The following ACAD10 variants were observed in gnomAD, a reference collection of about 807,000 sequenced individuals.
ACAD10 encodes ACAD-10.
ACAD10 carries 112 observed loss-of-function variants against 116.8 expected under a neutral mutation model. The observed-to-expected ratio is 0.96, with a 90% confidence interval of 0.82 to 1.12. The LOEUF is 1.12. ACAD10 is among the 50% of genes most tolerant of loss of function. The pLI is 0.00. For synonymous variants in ACAD10, 486 were observed against 510.6 expected, an observed-to-expected ratio of 0.95 and a Z score of 0.65; for missense variants, 1,259 against 1,350.2, an observed-to-expected ratio of 0.93 and a Z score of 1.06.
intron 11 of ACAD10, 58 bp from the exon 12 acceptor site, chr12:111,736,773 A>G: frequency 6.5e-7 from 1 of 1,533,170 alleles, no homozygotes; most frequent in Non-Finnish European, 8.8e-7. Flanking sequence ...AATATTTGCC[A>G]GCCACAGGGG....
At chr12:111,691,479 G>A (rs544749600) in intron 1 of ACAD10, among the ~76,000 whole-genome samples, 1 of 152,212 alleles carries the variant, frequency 6.6e-6, no homozygotes, top group Non-Finnish European at 1.5e-5. Context: ...GCAACAGGTG[G>A]AACAGAGCAT....
intron 12 of ACAD10, 114 bp downstream of exon 12, chr12:111,737,118 A>G: frequency 1.1e-6 from 1 of 915,904 alleles, no homozygotes; most frequent in Non-Finnish European, 1.6e-6. Flanking sequence ...CGATTTGGCC[A>G]GGATTCTCTG....
At chr12:111,706,371 G>A (rs1297457324) in intron 4 of ACAD10, among the ~76,000 whole-genome samples, 1 of 152,166 alleles carries the variant, frequency 6.6e-6, no homozygotes, top group African/African-American at 2.4e-5. Flanking sequence ...TGCTCCATGT[G>A]TGTATCCCAA....
Position 111,745,001 on chromosome 12 carries a change from A to G in ACAD10, c.2073A>G (p.Ser691=). 1 of 1,614,034 alleles carries G rather than the reference A, an allele frequency of 6.2e-7. No individual in the cohort carries two copies. Among genetic ancestry groups the G allele is most frequent in the South Asian group, 1.1e-5 (1 of 91,082 alleles). The change falls in exon 13 of 21, where the codon TCA becomes TCG. Residue 691 remains serine (S), a synonymous_variant. Transcript: ENST00000313698. ...CAGAGCTGCAGAGTCACCAGGCCTC[A>G]GCAGCCAGGTGGAGCCCCTCCCCAC... ...AEPELQSHQA[S]AARWSPSPLI... is the part of the protein sequence containing the mutation.
chr12:111,709,962 G>A (rs1255260515), intron 5 of ACAD10: 4 of 402,346 alleles, frequency 9.9e-6, no homozygotes, highest in African/African-American at 8.4e-5. Context: ...TGTTCACACT[G>A]TCCTCATGAT....
In ACAD10 at chr12:111,731,848, G is replaced by A. The variant is rs668774; in HGVS notation, c.1394+1892G>A. The stretch of plus-strand genomic sequence containing the variant: ...GTGTAATCCCAGCACTTTGGGAGGC[G>A]AAAGCGGGCAGATCACTTGAGGTCA... On this transcript the variant is annotated intron_variant, in intron 10 of 20. Transcript: ENST00000313698. 5.3e-5 allele frequency among the ~76,000 whole-genome samples: 8 copies of A among 152,092 alleles called. 1 individual carries two copies. In the South Asian group the frequency reaches 1.5e-3, roughly 28 times the overall value.
intron 4 of ACAD10, among the ~76,000 whole-genome samples, chr12:111,707,116 G>GTC (rs1431119099): frequency 6.9e-6 from 1 of 144,806 alleles, no homozygotes; most frequent in Admixed American, 7.1e-5. Context: ...TTGAGAGAAG[G>GTC]TCTCTCTCTG....
chr12:111,741,819 T>C (rs1207313609), intron 12 of ACAD10, among the ~76,000 whole-genome samples: 2 of 152,250 alleles, frequency 1.3e-5, no homozygotes, highest in Non-Finnish European at 2.9e-5. Flanking sequence ...AGCTGAGATA[T>C]TTGGTACTGG....
chr12:111,756,854 G>T lies in ACAD10; in HGVS notation c.*381G>T, dbSNP rs558760336. 4 of 463,678 alleles carry T rather than the reference G, an allele frequency of 8.6e-6. No homozygotes were observed. Among genetic ancestry groups the T allele is most frequent in the Non-Finnish European group, 1.7e-5 (4 of 232,220 alleles). The allele number at this position is 463,678 out of a possible 1,614,324, so 28.7% of individuals were successfully genotyped here. A position where few individuals can be genotyped will look rare whatever the true frequency, so the allele number is the denominator to read the frequency against. The stretch of plus-strand genomic sequence containing the variant: ...GGGAGGCCTCCCAAGGCTGTGGGAC[G>T]TGCTTGCTCTGGCAGCTGCAGGGTT... On this transcript the variant is annotated 3_prime_UTR_variant, in exon 21 of 21. Coordinates refer to ENST00000313698, the MANE Select transcript of ACAD10 (RefSeq NM_025247.6).
chr12:111,702,291 GGA>G lies in ACAD10; in HGVS notation c.320_321del (p.Arg107ThrfsTer4). The G allele has an allele frequency of 6.2e-7, 1 of 1,614,064 alleles. No homozygotes were observed. The highest frequency in any genetic ancestry group is 8.5e-7 in the Non-Finnish European group (1 of 1,180,004). On this transcript the variant is annotated frameshift_variant, in exon 3 of 21. Transcript: ENST00000313698. LOFTEE classifies it high-confidence loss of function. Reference sequence around the variant, plus strand: ...GCAGAGGGTTTTTTACGAGAATTTGGGAGACTTTGCTCTGAAATGGTGAGTGG... The same window carrying G: ...GCAGAGGGTTTTTTACGAGAATTTGGGACTTTGCTCTGAAATGGTGAGTGG...
chr12:111,738,210 G>C (rs1043949749), intron 12 of ACAD10, among the ~76,000 whole-genome samples: 1 of 151,988 alleles, frequency 6.6e-6, no homozygotes, highest in Non-Finnish European at 1.5e-5. Context: ...TTCCTTGCTC[G>C]CTAGTATGAC....
At chr12:111,728,194 C>T in intron 9 of ACAD10, 51 bp downstream of exon 9, 2 of 1,526,114 alleles carry the variant, frequency 1.3e-6, no homozygotes, top group African/African-American at 1.4e-5. Flanking sequence ...ACTAGTGCTT[C>T]TGCTTTTAGG....
chr12:111,756,674 C>A lies in ACAD10; in HGVS notation c.*201C>A. On this transcript the variant is annotated 3_prime_UTR_variant, in exon 21 of 21. Coordinates refer to ENST00000313698, the MANE Select transcript of ACAD10 (RefSeq NM_025247.6). ...AAGAAGCCTGGAGTCTGTTTCAGGC[C>A]AGGAGGAGGGGATTTGCTGAGGGCC... 1.1e-6 allele frequency: 1 copy of A among 908,390 alleles called. No individual in the cohort carries two copies. Among genetic ancestry groups the A allele is most frequent in the Non-Finnish European group, 1.7e-6 (1 of 577,426 alleles). The allele number at this position is 908,390 out of a possible 1,614,324, so 56.3% of individuals were successfully genotyped here.
intron 1 of ACAD10, chr12:111,691,022 A>C (rs1385945530): frequency 6.6e-6 from 1 of 152,140 alleles, no homozygotes; most frequent in Non-Finnish European, 1.5e-5. Context: ...ATTTGCCTTC[A>C]TTATTTTGGT....
chr12:111,746,032 T>C lies in ACAD10; in HGVS notation c.2116-112T>C, dbSNP rs1889884775. ...CTCATATCATTTTTTTGGGCACACGTGCATGTTTGGTTGTCTGCCTTGTTT... is the reference window on the plus strand; with the variant it reads ...CTCATATCATTTTTTTGGGCACACGCGCATGTTTGGTTGTCTGCCTTGTTT... On this transcript the variant is annotated intron_variant, in intron 13 of 20. Coordinates refer to ENST00000313698, the MANE Select transcript of ACAD10 (RefSeq NM_025247.6). 2.2e-6 allele frequency: 3 copies of C among 1,393,832 alleles called. No homozygotes were observed. The Admixed American group carries it at 6.8e-5, about 31-fold the overall frequency. The allele number at this position is 1,393,832 out of a possible 1,614,324, so 86.3% of individuals were successfully genotyped here.
At chr12:111,756,251 A>G in intron 20 of ACAD10, 82 bp from the exon 21 acceptor site, 2 of 1,488,068 alleles carry the variant, frequency 1.3e-6, no homozygotes, top group Non-Finnish European at 1.8e-6. Flanking sequence ...GTTATGGGCC[A>G]TCAAGAGCAG....
rs35358426 is a variant in ACAD10, at chr12:111,728,052, A to G, written c.1152A>G (p.Arg384=). 4,713 of 1,614,094 alleles carry G rather than the reference A, an allele frequency of 2.9e-3. 123 individuals are homozygous for G. The African/African-American group carries it at 0.054, about 18-fold the overall frequency. The change falls in exon 9 of 21, where the codon AGA becomes AGG. Residue 384 remains arginine (R), a synonymous_variant. Coordinates refer to ENST00000313698, the MANE Select transcript of ACAD10 (RefSeq NM_025247.6). ...TGCCAGGCTTGGAGCCCAGCCACAG[A>G]CGAGCCATATACACTGCCATGAACA... ...PSLPGLEPSH[R]RAIYTAMNTV...
intron 2 of ACAD10, 154 bp downstream of exon 2, chr12:111,693,050 C>A: frequency 1.3e-6 from 1 of 763,476 alleles, no homozygotes. Flanking sequence ...CACTAGGGGG[C>A]TGAGTGTCTT....
chr12:111,706,859 C>T (rs1449786145), intron 4 of ACAD10, among the ~76,000 whole-genome samples: 1 of 149,938 alleles, frequency 6.7e-6, no homozygotes, highest in Non-Finnish European at 1.5e-5. Context: ...CTGCAGCCTC[C>T]ACCTTCCAGG....
Sources: gnomAD v4.1 joint callset for allele counts (sites outside exome capture counted in the v4.1 genomes callset) on GRCh38, gnomAD v4.1.1 for gene constraint, MANE v1.5 for transcripts, NCBI Gene and HGNC (gene_info 2026-07-23, HGNC 2026-07-21) for gene names.